Variants in SLFN12L observed in about 807,000 individuals in gnomAD.
SLFN12L encodes the protein schlafen family member 12 like, also known as schlafen family member 12-like.
A neutral mutation model predicts 34.8 loss-of-function variants in SLFN12L; 34 were observed. The ratio of observed to expected loss-of-function variants is 0.98; its 90% CI spans 0.74 to 1.30. The LOEUF is 1.30. SLFN12L is among the 50% of genes most tolerant of loss of function. The pLI is 0.00. For missense variants in SLFN12L, 703 were observed against 696.2 expected (o/e 1.01, Z -0.11); for synonymous variants, 259 against 247.5 (o/e 1.05, Z -0.44).
In SLFN12L at chr17:35,464,319, G is replaced by C. The variant is rs909982970; in HGVS notation, c.*10604C>G. ...GGCGCATGTGAAGGCTCATTACACAGGTAAACATGTGTCATGGGGTTTTGT... is the reference window on the plus strand; with the variant it reads ...GGCGCATGTGAAGGCTCATTACACACGTAAACATGTGTCATGGGGTTTTGT... On this transcript the variant is annotated 3_prime_UTR_variant, in exon 5 of 5. Transcript: ENST00000628453. The C allele has an allele frequency of 3.9e-5, 6 of 152,074 alleles. No homozygotes were observed. Among genetic ancestry groups the C allele is most frequent in the African/African-American group, 1.4e-4 (6 of 41,392 alleles). 9.4% of individuals were successfully genotyped at this position (152,074 alleles called of 1,614,324 possible).
At chr17:35,500,126 G>C (rs1915239346) in intron 2 of SLFN12L, 1 of 152,156 alleles carries the variant, frequency 6.6e-6, no homozygotes, top group South Asian at 2.1e-4. Flanking sequence ...TATTCGGTGT[G>C]CTAAATTAAG....
rs995966075 is a variant in SLFN12L at position 35,531,905 on chromosome 17, G to A, written c.-606+5668C>T. Among the ~76,000 whole-genome samples, 3 of 151,980 alleles carry A rather than the reference G, an allele frequency of 2.0e-5. No individual in the cohort carries two copies. The South Asian group carries it at 6.2e-4, about 32-fold the overall frequency. On this transcript the variant is annotated intron_variant, in intron 1 of 4. Coordinates refer to ENST00000628453, the MANE Select transcript of SLFN12L (RefSeq NM_001363830.2). The stretch of plus-strand genomic sequence containing the variant: ...CCACCTCGGCCTCCCAAAGTGCTGG[G>A]ATTATAGGTGTGAGCCACCCAGCCC...
chr17:35,533,354 T>A (rs937789674), intron 1 of SLFN12L, among the ~76,000 whole-genome samples: 1 of 152,228 alleles, frequency 6.6e-6, no homozygotes, highest in Non-Finnish European at 1.5e-5. Flanking sequence ...GGAAATCTAT[T>A]ATTTGCCTAG....
chr17:35,474,689 G>GGGC lies in SLFN12L; in HGVS notation c.*233_*234insGCC, dbSNP rs66566226. 2.2e-3 allele frequency: 712 copies of GGGC among 320,296 alleles called. 14 individuals are homozygous for GGGC. Among genetic ancestry groups the GGGC allele is most frequent in the African/African-American group, 0.015 (640 of 41,304 alleles). The allele number at this position is 320,296 out of a possible 1,614,324, so 19.8% of individuals were successfully genotyped here. A position where few individuals can be genotyped will look rare whatever the true frequency, so the allele number is the denominator to read the frequency against. On this transcript the variant is annotated 3_prime_UTR_variant, in exon 5 of 5. Transcript: ENST00000628453. Reference sequence around the variant, plus strand: ...GTACTCCTAGCACTTTGGGAGACCGGGGGGGGGGGTTGAATCACGAGGTCA... The same window carrying GGGC: ...GTACTCCTAGCACTTTGGGAGACCGGGGCGGGGGGGGGTTGAATCACGAGGTCA...
At chr17:35,524,077 T>G (rs1038760238) in intron 1 of SLFN12L, among the ~76,000 whole-genome samples, 1 of 152,236 alleles carries the variant, frequency 6.6e-6, no homozygotes, top group Non-Finnish European at 1.5e-5. Context: ...CAAACTTTAC[T>G]GGTAATTGTT....
chr17:35,530,546 GAA>G (rs1473519230), intron 1 of SLFN12L, among the ~76,000 whole-genome samples: 1 of 146,382 alleles, frequency 6.8e-6, no homozygotes. Flanking sequence ...AGAAAAGAAA[GAA>G]AGAAAGAAAG....
At chr17:35,530,443 A>AGG (rs35519382) in intron 1 of SLFN12L, among the ~76,000 whole-genome samples, 4 of 14,710 alleles carry the variant, frequency 2.7e-4, no homozygotes, top group Non-Finnish European at 7.5e-4. Context: ...AGGGAAGGGA[A>AGG]GAAAGAAAGA....
chr17:35,471,865 T>C lies in SLFN12L; in HGVS notation c.*3058A>G, dbSNP rs955735290. On this transcript the variant is annotated 3_prime_UTR_variant, in exon 5 of 5. Coordinates refer to ENST00000628453, the MANE Select transcript of SLFN12L (RefSeq NM_001363830.2). ...TTGTTGGCTGTATAAATGTCTTCTT[T>C]TGAGAAATGTCTATTCATATCCTTT... Among the ~76,000 whole-genome samples, 3 of 152,196 alleles carry C rather than the reference T, an allele frequency of 2.0e-5. No individual in the cohort carries two copies. Among genetic ancestry groups the C allele is most frequent in the Non-Finnish European group, 4.4e-5 (3 of 68,032 alleles).
At chr17:35,494,885 TTTATTTTA>T (rs1914984412) in intron 2 of SLFN12L, among the ~76,000 whole-genome samples, 2 of 142,536 alleles carry the variant, frequency 1.4e-5, no homozygotes, top group African/African-American at 2.7e-5. Flanking sequence ...TATTAATTTA[TTTATTTTA>T]TTTATTTATT....
At chr17:35,502,431 A>AAAC (rs1236781258) in intron 2 of SLFN12L, among the ~76,000 whole-genome samples, 1,850 of 148,598 alleles carry the variant, frequency 0.012, 76 homozygotes, top group African/African-American at 0.044. Context: ...AAAAAAAAAA[A>AAAC]AAAAAAAAAA....
Position 35,465,331 on chromosome 17 carries a change from T to C in SLFN12L, c.*9592A>G, listed in dbSNP as rs1228318494. 6.6e-6 allele frequency among the ~76,000 whole-genome samples: 1 copy of C among 152,196 alleles called. No homozygotes were observed. The highest frequency in any genetic ancestry group is 1.5e-5 in the Non-Finnish European group (1 of 68,038). On this transcript the variant is annotated 3_prime_UTR_variant, in exon 5 of 5. Transcript: ENST00000628453. ...CATATAATTTTAAAAGGTAGCTAAA[T>C]AGCTTTTTAAAAATAGCTATGCCTT...
chr17:35,495,395 A>G (rs1915013243), intron 2 of SLFN12L, among the ~76,000 whole-genome samples: 1 of 152,160 alleles, frequency 6.6e-6, no homozygotes, highest in Non-Finnish European at 1.5e-5. Context: ...TATACACTTT[A>G]AATACGTACA....
At chr17:35,485,424 G>C (rs1417475535) in intron 2 of SLFN12L, among the ~76,000 whole-genome samples, 1 of 151,564 alleles carries the variant, frequency 6.6e-6, no homozygotes, top group Admixed American at 6.6e-5. Flanking sequence ...CTGGATATTA[G>C]TCTTTTGTTG....
chr17:35,475,142 G>C lies in SLFN12L; in HGVS notation c.1620C>G (p.Ile540Met). Residue 540 changes from isoleucine (I) to methionine (M), a missense_variant, in exon 5 of 5, where the codon ATC becomes ATG. By Grantham distance (10) the Ile-to-Met change is conservative. Coordinates refer to ENST00000628453, the MANE Select transcript of SLFN12L (RefSeq NM_001363830.2). ...YTKKVCVMTKIFYLSPEGKTS... is the reference protein window; with the variant it reads ...YTKKVCVMTKMFYLSPEGKTS... ...TCTTGCCTTCAGGGCTCAAGTAGAA[G>C]ATCTTTGTCATGACACACACTTTTT... 1 of 1,614,188 alleles carries C rather than the reference G, an allele frequency of 6.2e-7. No homozygotes were observed. The highest frequency in any genetic ancestry group is 1.1e-5 in the South Asian group (1 of 91,086).
chr17:35,498,967 A>T (rs944721595), intron 2 of SLFN12L: 1 of 710,012 alleles, frequency 1.4e-6, no homozygotes, highest in Non-Finnish European at 2.6e-6. Context: ...CAAGTCAAGG[A>T]TGGGTGTCCC....
intron 1 of SLFN12L, among the ~76,000 whole-genome samples, chr17:35,523,989 T>A (rs1217056093): frequency 6.6e-6 from 1 of 152,080 alleles, no homozygotes; most frequent in Non-Finnish European, 1.5e-5. Context: ...AACAAGAATG[T>A]TTTTGCCCTA....
At chr17:35,530,425 GGAAGGGAAGGGAAGGGAAGAAAGAAA>G (rs2072387064) in intron 1 of SLFN12L, among the ~76,000 whole-genome samples, 30 of 8,372 alleles carry the variant, frequency 3.6e-3, no homozygotes, top group Middle Eastern at 0.028. Context: ...AAGGAAGGAA[GGAAGGGAAGGGAAGGGAAGAAAGAAA>G]GAAAGAAAGA....
At chr17:35,536,903 C>A in intron 1 of SLFN12L, among the ~76,000 whole-genome samples, 1 of 151,910 alleles carries the variant, frequency 6.6e-6, no homozygotes, top group Non-Finnish European at 1.5e-5. Flanking sequence ...AGGCTGGGTA[C>A]GGTGGCTAAT....
At chr17:35,498,187 G>GGAGCCGGGGCCGCCTGGA in intron 2 of SLFN12L, 1 of 690,756 alleles carries the variant, frequency 1.4e-6, no homozygotes, top group African/African-American at 1.8e-5. Context: ...GGCGGCGTGG[G>GGAGCCGGGGCCGCCTGGA]GAGCCGGGGC....
Sources: gnomAD v4.1 joint callset for allele counts (sites outside exome capture counted in the v4.1 genomes callset) on GRCh38, gnomAD v4.1.1 for gene constraint, MANE v1.5 for transcripts, NCBI Gene and HGNC (gene_info 2026-07-23, HGNC 2026-07-21) for gene names.